The following GHR variants were observed in gnomAD, a reference collection of about 807,000 sequenced individuals.
GHR encodes the protein growth hormone receptor.
Under a neutral mutation model 67.1 loss-of-function variants are expected in GHR, and 35 were observed. The ratio of observed to expected loss-of-function variants is 0.52; its 90% CI spans 0.40 to 0.69. The LOEUF (loss-of-function observed/expected upper bound fraction) is 0.69. Ranked by LOEUF, GHR falls within the 30% of genes least tolerant of loss-of-function variation. The pLI is 0.00. For synonymous variants in GHR, 272 were observed against 269.1 expected (o/e 1.01, Z -0.10); for missense variants, 792 against 764.6 (o/e 1.04, Z -0.42).
At chr5:42,433,006 A>G (rs1276407233) in intron 1 of GHR, among the ~76,000 whole-genome samples, 1 of 152,188 alleles carries the variant, frequency 6.6e-6, no homozygotes, top group Admixed American at 6.5e-5. Flanking sequence ...TCATAATGCA[A>G]ATTTGCTATT....
At chr5:42,634,512 T>C (rs1029498935) in intron 3 of GHR, among the ~76,000 whole-genome samples, 6 of 139,676 alleles carry the variant, frequency 4.3e-5, no homozygotes, top group East Asian at 2.0e-4. Context: ...CGGATGGTTA[T>C]TGAATTTTGC....
At chr5:42,605,228 C>T (rs1040014382) in intron 2 of GHR, among the ~76,000 whole-genome samples, 23 of 151,668 alleles carry the variant, frequency 1.5e-4, no homozygotes, top group African/African-American at 4.8e-4. Flanking sequence ...CTCAGCCTCC[C>T]GAGTAGCTGG....
chr5:42,657,769 T>C (rs940290257), intron 3 of GHR, among the ~76,000 whole-genome samples: 1 of 152,194 alleles, frequency 6.6e-6, no homozygotes, highest in African/African-American at 2.4e-5. Flanking sequence ...ATATAGCTAC[T>C]CCAGTATATC....
At chr5:42,568,010 T>C (rs1750048351) in intron 2 of GHR, among the ~76,000 whole-genome samples, 1 of 152,140 alleles carries the variant, frequency 6.6e-6, no homozygotes, top group Admixed American at 6.6e-5. Context: ...ATAGATTAAA[T>C]TTTTAAAAAG....
intron 3 of GHR, among the ~76,000 whole-genome samples, chr5:42,637,309 C>T (rs926115509): frequency 4.6e-5 from 7 of 151,858 alleles, no homozygotes; most frequent in African/African-American, 1.7e-4. Context: ...TCTTTTTTTT[C>T]AACTCTTATT....
chr5:42,622,686 G>C (rs796680424), intron 2 of GHR, among the ~76,000 whole-genome samples: 9 of 152,278 alleles, frequency 5.9e-5, no homozygotes, highest in African/African-American at 2.2e-4. Context: ...TGTTTGCACT[G>C]TCTATTCAGG....
At chr5:42,709,067 G>A (rs76290473) in intron 6 of GHR, among the ~76,000 whole-genome samples, 6,454 of 152,266 alleles carry the variant, frequency 0.042, 192 homozygotes, top group African/African-American at 0.084. Context: ...AAAGGGGGAA[G>A]ACCTAGTGTG....
chr5:42,555,837 A>G (rs1749279635), intron 1 of GHR, among the ~76,000 whole-genome samples: 2 of 152,284 alleles, frequency 1.3e-5, no homozygotes, highest in East Asian at 3.9e-4. Flanking sequence ...ACGTCGGGAC[A>G]TGAATAGCCG....
At chr5:42,438,799 C>T (rs1000862842) in intron 1 of GHR, among the ~76,000 whole-genome samples, 9 of 152,040 alleles carry the variant, frequency 5.9e-5, no homozygotes, top group Non-Finnish European at 8.8e-5. Flanking sequence ...AGTGGAGCCT[C>T]GAGATGACTG....
chr5:42,557,229 A>AAG (rs1477481416), intron 1 of GHR, among the ~76,000 whole-genome samples: 47 of 152,122 alleles, frequency 3.1e-4, no homozygotes, highest in African/African-American at 1.1e-3. Flanking sequence ...TTATCCTAGG[A>AAG]GATATACACT....
chr5:42,640,503 A>ACT (rs1754413149), intron 3 of GHR, among the ~76,000 whole-genome samples: 1 of 152,080 alleles, frequency 6.6e-6, no homozygotes, highest in African/African-American at 2.4e-5. Context: ...CTCCTGGAAG[A>ACT]GTAGGACTTG....
intron 1 of GHR, among the ~76,000 whole-genome samples, chr5:42,474,267 G>GAA (rs1745149720): frequency 8.2e-6 from 1 of 122,278 alleles, no homozygotes; most frequent in Non-Finnish European, 1.7e-5. Flanking sequence ...CAGAAAGAAA[G>GAA]AAAGAAAGAA....
At chr5:42,494,581 T>C (rs1746244581) in intron 1 of GHR, among the ~76,000 whole-genome samples, 1 of 152,084 alleles carries the variant, frequency 6.6e-6, no homozygotes, top group Non-Finnish European at 1.5e-5. Context: ...CGCTCAGCAC[T>C]CTTGCTTCTG....
intron 2 of GHR, among the ~76,000 whole-genome samples, chr5:42,597,565 A>C (rs2112618969): frequency 6.6e-6 from 1 of 152,272 alleles, no homozygotes; most frequent in South Asian, 2.1e-4. Flanking sequence ...GGAAAGACTT[A>C]CTAGGTCCTG....
At chr5:42,576,098 A>ATAAAATAAAATAAAATAAAT (rs1750683674) in intron 2 of GHR, among the ~76,000 whole-genome samples, 1 of 79,918 alleles carries the variant, frequency 1.3e-5, no homozygotes, top group Non-Finnish European at 2.7e-5. Flanking sequence ...ATAAAATAAA[A>ATAAAATAAAATAAAATAAAT]TAAATAAAAT....
chr5:42,553,525 C>A (rs369368496), intron 1 of GHR, among the ~76,000 whole-genome samples: 1 of 152,208 alleles, frequency 6.6e-6, no homozygotes, highest in East Asian at 1.9e-4. Flanking sequence ...AGTTTCTAGT[C>A]TCTCTGACTT....
chr5:42,711,454 T>G (rs185743784), intron 7 of GHR, 82 bp downstream of exon 7: 32 of 950,262 alleles, frequency 3.4e-5, no homozygotes, highest in Admixed American at 2.9e-4. Context: ...ACTGGTAGTG[T>G]GTTGTCCAAA....
chr5:42,632,805 T>G (rs1753994600), intron 3 of GHR, among the ~76,000 whole-genome samples: 1 of 152,176 alleles, frequency 6.6e-6, no homozygotes. Context: ...GAGTTTACAG[T>G]TTAAAGAGAT....
At chr5:42,586,244 C>T (rs1387784279) in intron 2 of GHR, among the ~76,000 whole-genome samples, 1 of 152,068 alleles carries the variant, frequency 6.6e-6, no homozygotes. Flanking sequence ...TCCCTGACTC[C>T]TATTTTTCTT....
Sources: allele counts gnomAD v4.1 joint callset (sites outside exome capture counted in the v4.1 genomes callset), GRCh38; gene constraint gnomAD v4.1.1; transcripts MANE v1.5; gene names NCBI Gene and HGNC (gene_info 2026-07-23, HGNC 2026-07-21).